The following PLCL1 variants were observed in gnomAD, a reference collection of about 807,000 sequenced individuals.
The protein encoded by PLCL1 is phospholipase C like 1 (inactive), also known as inactive phospholipase C-like protein 1.
In PLCL1, 41 loss-of-function variants were observed where a neutral mutation model predicts 84.4. That is an observed-to-expected ratio of 0.49 (90% CI 0.38 to 0.63). The LOEUF is 0.63. Ranked by LOEUF, PLCL1 falls within the 30% of genes least tolerant of loss-of-function variation. The pLI is 0.00. For missense variants in PLCL1, 1,206 were observed against 1,367.8 expected (o/e 0.88, Z 1.87); for synonymous variants, 490 against 488.3 (o/e 1.00, Z -0.05).
Position 197,805,753 on chromosome 2 carries a change from GT to G in PLCL1, c.240+415del, listed in dbSNP as rs1371791097. ...GAAAATGCACAGCTTACTCTCAAGT[GT>G]AAAAAAAGAATCCCTCTAGACTTAA... is the stretch of plus-strand genomic sequence containing the variant. On this transcript the variant is annotated intron_variant, in intron 1 of 5. Transcript: ENST00000428675. This position sits in a 1 kb window ranked among gnomAD's most constrained non-coding sequence, Gnocchi z 4.0. Among the ~76,000 whole-genome samples the G allele has an allele frequency of 6.6e-6, 1 of 152,000 alleles. No homozygotes were observed. The highest frequency in any genetic ancestry group is 1.5e-5 in the Non-Finnish European group (1 of 68,004).
At chr2:197,843,009 C>T (rs1687041023) in intron 1 of PLCL1, among the ~76,000 whole-genome samples, 1 of 152,164 alleles carries the variant, frequency 6.6e-6, no homozygotes, top group South Asian at 2.1e-4. Context: ...TATTTGTATT[C>T]TGTTACTCCT....
chr2:197,852,887 C>T (rs1282075144), intron 1 of PLCL1, among the ~76,000 whole-genome samples: 1 of 152,124 alleles, frequency 6.6e-6, no homozygotes, highest in African/African-American at 2.4e-5. Flanking sequence ...ATATATTTAA[C>T]ATAAAATTAA....
At chr2:198,130,895 G>A (rs1029750770) in intron 5 of PLCL1, among the ~76,000 whole-genome samples, 1 of 152,108 alleles carries the variant, frequency 6.6e-6, no homozygotes, top group Non-Finnish European at 1.5e-5. Flanking sequence ...GCATAGAGCT[G>A]GAGTGATCTT....
At chr2:197,867,811 G>A (rs1298931840) in intron 1 of PLCL1, among the ~76,000 whole-genome samples, 1 of 152,086 alleles carries the variant, frequency 6.6e-6, no homozygotes, top group Non-Finnish European at 1.5e-5. Context: ...GTCCTTATCA[G>A]CAATTCCTTA....
intron 1 of PLCL1, among the ~76,000 whole-genome samples, chr2:197,903,151 C>T (rs1688300486): frequency 6.6e-6 from 1 of 152,118 alleles, no homozygotes; most frequent in African/African-American, 2.4e-5. Flanking sequence ...TTCCCCAGCC[C>T]AAGGTTGGGA....
chr2:197,838,405 C>G (rs991818374), intron 1 of PLCL1, among the ~76,000 whole-genome samples: 30 of 152,114 alleles, frequency 2.0e-4, no homozygotes, highest in African/African-American at 6.0e-4. Context: ...CAGTTTTACT[C>G]TGTAGTGGCA....
intron 1 of PLCL1, among the ~76,000 whole-genome samples, chr2:198,056,101 A>C (rs1156931324): frequency 1.3e-5 from 2 of 152,356 alleles, no homozygotes; most frequent in Middle Eastern, 6.8e-3. Flanking sequence ...TTCAATTTTA[A>C]AATTAAAAGC....
intron 1 of PLCL1, among the ~76,000 whole-genome samples, chr2:197,878,825 T>C (rs1225196989): frequency 2.0e-5 from 3 of 152,192 alleles, no homozygotes; most frequent in Non-Finnish European, 2.9e-5. Context: ...TATTTTACTC[T>C]GTTCTTTTTC....
At position 198,084,635 on chromosome 2, in the gene PLCL1, C is replaced by T; in HGVS notation, c.1118C>T (p.Ala373Val). Residue 373 changes from alanine (A) to valine (V), a missense_variant, in exon 2 of 6, where the codon GCA becomes GTA. Physicochemically the swap from Ala to Val is moderately conservative, Grantham distance 64. Transcript: ENST00000428675. ...GAGGGACGTCAAAAAGGGTTTCTTG[C>T]AATTGATGGCTTTACCCAGTATTTA... is the stretch of plus-strand genomic sequence containing the variant. Reference protein sequence around the residue: ...SEEGRQKGFLAIDGFTQYLLS... With the variant: ...SEEGRQKGFLVIDGFTQYLLS... 1 of 1,614,022 alleles carries T rather than the reference C, an allele frequency of 6.2e-7. No homozygotes were observed. Among genetic ancestry groups the T allele is most frequent in the Non-Finnish European group, 8.5e-7 (1 of 1,179,918 alleles).
intron 1 of PLCL1, among the ~76,000 whole-genome samples, chr2:198,036,416 A>G (rs998106560): frequency 1.3e-5 from 2 of 152,238 alleles, no homozygotes; most frequent in Non-Finnish European, 2.9e-5. Context: ...AGTTTGCTAG[A>G]ATCATTTTTC....
chr2:197,921,662 T>G (rs1489161956), intron 1 of PLCL1, among the ~76,000 whole-genome samples: 1 of 152,196 alleles, frequency 6.6e-6, no homozygotes, highest in African/African-American at 2.4e-5. Context: ...CTATGCACAC[T>G]CCACTCTTGT....
chr2:198,082,073 C>T (rs997162113), intron 1 of PLCL1, among the ~76,000 whole-genome samples: 1 of 152,152 alleles, frequency 6.6e-6, no homozygotes, highest in Admixed American at 6.5e-5. Context: ...ACTCATAGTC[C>T]TACAGTTACT....
chr2:198,042,537 C>A (rs541623107), intron 1 of PLCL1, among the ~76,000 whole-genome samples: 1 of 152,192 alleles, frequency 6.6e-6, no homozygotes, highest in East Asian at 1.9e-4. Context: ...AGAGAAGAAG[C>A]AAAAGTATTC....
chr2:198,114,150 A>G (rs1041951101), intron 5 of PLCL1, among the ~76,000 whole-genome samples: 4 of 151,910 alleles, frequency 2.6e-5, no homozygotes, highest in African/African-American at 7.2e-5. Context: ...CCAACAATAT[A>G]GGACAGTTTA....
chr2:198,049,594 T>C (rs184353190), intron 1 of PLCL1, among the ~76,000 whole-genome samples: 11 of 152,220 alleles, frequency 7.2e-5, no homozygotes, highest in Admixed American at 5.9e-4. Context: ...GGTGGTGCTG[T>C]CCAATACTCC....
At chr2:197,833,536 GACAA>G (rs1332445040) in intron 1 of PLCL1, among the ~76,000 whole-genome samples, 4 of 152,052 alleles carry the variant, frequency 2.6e-5, no homozygotes, top group Non-Finnish European at 5.9e-5. Context: ...ACCAATAATA[GACAA>G]ACAGAGAGCC....
At chr2:198,031,110 C>T (rs1691405593) in intron 1 of PLCL1, among the ~76,000 whole-genome samples, 1 of 151,596 alleles carries the variant, frequency 6.6e-6, no homozygotes, top group East Asian at 1.9e-4. Flanking sequence ...GTGATTTACA[C>T]CTGTAATCCC....
intron 1 of PLCL1, among the ~76,000 whole-genome samples, chr2:197,914,866 C>T (rs1688561125): frequency 6.6e-6 from 1 of 152,126 alleles, no homozygotes; most frequent in African/African-American, 2.4e-5. Context: ...TGGAAGGGCG[C>T]ACCATTTATT....
intron 1 of PLCL1, among the ~76,000 whole-genome samples, chr2:197,827,619 A>G (rs1260433068): frequency 6.6e-6 from 1 of 152,130 alleles, no homozygotes; most frequent in East Asian, 1.9e-4. Context: ...AACTTTTGAA[A>G]AACGTATTTT....
Sources: gnomAD v4.1 joint callset for allele counts (sites outside exome capture counted in the v4.1 genomes callset) on GRCh38, gnomAD v4.1.1 for gene constraint, Gnocchi (gnomAD v3.1) non-coding constraint, MANE v1.5 for transcripts, NCBI Gene and HGNC (gene_info 2026-07-23, HGNC 2026-07-21) for gene names.